SLC38A12: variants seen among roughly 807,000 people sequenced by gnomAD.
SLC38A12 encodes putative sodium-coupled neutral amino acid transporter 12.
At chr17:74,816,648 G>GTTAT in the SLC38A12 span, among the ~76,000 whole-genome samples, 1 of 152,062 alleles carries the variant, frequency 6.6e-6, no homozygotes, top group African/African-American at 2.4e-5. Context: ...GTTTGAAGAT[G>GTTAT]TTATTAGAAA....
chr17:74,831,801 G>A, the SLC38A12 span, among the ~76,000 whole-genome samples: 6 of 152,194 alleles, frequency 3.9e-5, no homozygotes, highest in Non-Finnish European at 7.3e-5. Context: ...CTCCACACCC[G>A]TCTGGCTTCC....
the SLC38A12 span, among the ~76,000 whole-genome samples, chr17:74,801,776 C>A: frequency 3.8e-4 from 58 of 152,298 alleles, no homozygotes; most frequent in Non-Finnish European, 6.2e-4. Context: ...AATACAGGGA[C>A]AGGCCTGTGT....
chr17:74,832,874 G>C, the SLC38A12 span, among the ~76,000 whole-genome samples: 1 of 152,244 alleles, frequency 6.6e-6, no homozygotes, highest in Non-Finnish European at 1.5e-5. Flanking sequence ...GGTAGACTTG[G>C]TTTTTGCAAA....
chr17:74,791,874 C>T, the SLC38A12 span, among the ~76,000 whole-genome samples: 118 of 151,914 alleles, frequency 7.8e-4, no homozygotes, highest in African/African-American at 2.8e-3. Flanking sequence ...GGGCCGGGCA[C>T]GGTGGCTAAC....
the SLC38A12 span, among the ~76,000 whole-genome samples, chr17:74,779,203 C>T: frequency 6.6e-6 from 1 of 152,186 alleles, no homozygotes; most frequent in East Asian, 1.9e-4. Context: ...GATATGTCCC[C>T]ATTTCTTGTA....
At chr17:74,819,913 GCCGT>G in the SLC38A12 span, 4 of 1,390,708 alleles carry the variant, frequency 2.9e-6, no homozygotes, top group Non-Finnish European at 3.0e-6. Flanking sequence ...TTCATGAGAG[GCCGT>G]GCAGGGCCCC....
At chr17:74,829,429 A>C in the SLC38A12 span, among the ~76,000 whole-genome samples, 2 of 152,164 alleles carry the variant, frequency 1.3e-5, no homozygotes, top group Admixed American at 1.3e-4. This position sits in a 1 kb window ranked among gnomAD's most constrained non-coding sequence, Gnocchi z 4.1. Flanking sequence ...ACACCTGAGC[A>C]CACTTCAGTT....
the SLC38A12 span, chr17:74,795,397 C>T: frequency 8.8e-6 from 7 of 799,564 alleles, no homozygotes; most frequent in East Asian, 1.3e-4. Flanking sequence ...AGATGCATCC[C>T]GCAAAGTGGT....
chr17:74,826,218 A>G, the SLC38A12 span, among the ~76,000 whole-genome samples: 2 of 152,268 alleles, frequency 1.3e-5, no homozygotes, highest in East Asian at 1.9e-4. Context: ...GGGGAAGTGG[A>G]AGGATGAAAG....
At chr17:74,786,194 AC>A in the SLC38A12 span, among the ~76,000 whole-genome samples, 2,846 of 151,968 alleles carry the variant, frequency 0.019, 83 homozygotes, top group African/African-American at 0.064. Flanking sequence ...GGTGGGTTCC[AC>A]CTGAGGCTCT....
chr17:74,831,092 C>T, the SLC38A12 span, among the ~76,000 whole-genome samples: 4 of 152,238 alleles, frequency 2.6e-5, no homozygotes, highest in Non-Finnish European at 5.9e-5. Flanking sequence ...GAAAGGTCCT[C>T]CACGTCCCGT....
the SLC38A12 span, among the ~76,000 whole-genome samples, chr17:74,794,292 C>T: frequency 1.1e-4 from 17 of 152,342 alleles, no homozygotes; most frequent in East Asian, 7.7e-4. Flanking sequence ...CCCAACTTCT[C>T]GTTCAGCCTC....
chr17:74,819,784 TC>T, the SLC38A12 span: 4 of 1,614,248 alleles, frequency 2.5e-6, no homozygotes, highest in Non-Finnish European at 2.5e-6. Context: ...CCGTTCACCT[TC>T]TTTGACGTCC....
the SLC38A12 span, chr17:74,836,677 C>G: frequency 6.3e-7 from 1 of 1,597,876 alleles, no homozygotes; most frequent in Non-Finnish European, 8.6e-7. This position sits in a 1 kb window ranked among gnomAD's most constrained non-coding sequence, Gnocchi z 4.2. Flanking sequence ...CTCAGCGAGA[C>G]CAAGCTCTGA....
At chr17:74,830,243 C>A in the SLC38A12 span, among the ~76,000 whole-genome samples, 1 of 152,194 alleles carries the variant, frequency 6.6e-6, no homozygotes, top group Non-Finnish European at 1.5e-5. Flanking sequence ...CCCCTTCTTT[C>A]CCCAGGCCCC....
chr17:74,790,346 T>A, the SLC38A12 span: 1 of 1,529,630 alleles, frequency 6.5e-7, no homozygotes, highest in Non-Finnish European at 9.0e-7. Context: ...GGCCACAGGG[T>A]TCCCTTTCTT....
chr17:74,777,270 C>T, the SLC38A12 span: 6 of 1,598,426 alleles, frequency 3.8e-6, no homozygotes, highest in Admixed American at 3.3e-5. Flanking sequence ...TAAGGAGCTG[C>T]GGCAGCCGCC....
the SLC38A12 span, among the ~76,000 whole-genome samples, chr17:74,829,875 G>A: frequency 6.6e-6 from 1 of 152,034 alleles, no homozygotes; most frequent in South Asian, 2.1e-4. This position sits in a 1 kb window ranked among gnomAD's most constrained non-coding sequence, Gnocchi z 4.1. Context: ...GGAAGGCGGA[G>A]TCCTGCCCAG....
At chr17:74,834,146 G>T in the SLC38A12 span, among the ~76,000 whole-genome samples, 4 of 152,106 alleles carry the variant, frequency 2.6e-5, no homozygotes, top group Admixed American at 2.0e-4. Flanking sequence ...AATCTCTGGG[G>T]CAAGCAGATT....
Sources: allele counts gnomAD v4.1 joint callset (sites outside exome capture counted in the v4.1 genomes callset), GRCh38; gene constraint gnomAD v4.1.1; non-coding constraint Gnocchi (gnomAD v3.1); transcripts MANE v1.5; gene names NCBI Gene and HGNC (gene_info 2026-07-23, HGNC 2026-07-21).